NMNAT2: variants seen among roughly 807,000 people sequenced by gnomAD.
The protein encoded by NMNAT2 is nicotinamide/nicotinic acid mononucleotide adenylyltransferase 2.
In NMNAT2, 11 loss-of-function variants were observed where a neutral mutation model predicts 41.6. The ratio of observed to expected loss-of-function variants is 0.26; its 90% confidence interval spans 0.17 to 0.44. NMNAT2 has a LOEUF of 0.44. Among genes scored for constraint, NMNAT2 ranks in the 20% least tolerant of loss-of-function variants. The probability of loss-of-function intolerance (pLI) is 1.00; values close to 1 mark genes in which losing one functional copy is unlikely to be tolerated. For missense variants in NMNAT2, 288 were observed against 407.7 expected (o/e 0.71, Z 2.53); for synonymous variants, 148 against 151.2 (o/e 0.98, Z 0.16).
At chr1:183,404,338 C>T (rs952509652) in intron 1 of NMNAT2, among the ~76,000 whole-genome samples, 3 of 152,166 alleles carry the variant, frequency 2.0e-5, no homozygotes, top group South Asian at 4.1e-4. Flanking sequence ...GATCCACCTG[C>T]GTTGGCCTCC....
chr1:183,292,142 T>G (rs1414428158), intron 3 of NMNAT2, among the ~76,000 whole-genome samples: 1 of 152,258 alleles, frequency 6.6e-6, no homozygotes, highest in Non-Finnish European at 1.5e-5. Flanking sequence ...CATCTTATCA[T>G]GCAAATTATA....
intron 1 of NMNAT2, among the ~76,000 whole-genome samples, chr1:183,296,536 G>A (rs1476697780): frequency 1.5e-5 from 2 of 129,424 alleles, no homozygotes; most frequent in South Asian, 2.6e-4. Context: ...TTTTTTTGAT[G>A]GAGTCTAGCT....
In NMNAT2 at chr1:183,275,347, G is replaced by T. The variant is rs1459300721; in HGVS notation, c.651+3206C>A. Among the ~76,000 whole-genome samples, 3 of 152,166 alleles carry T rather than the reference G, an allele frequency of 2.0e-5. No individual in the cohort carries two copies. The East Asian group carries it at 5.8e-4, about 29-fold the overall frequency. ...AAACAGCTTCTTGAAATTTTTCCCTGTCTCAGACTCAATGATTCTAAGGAC... is the reference window on the plus strand; with the variant it reads ...AAACAGCTTCTTGAAATTTTTCCCTTTCTCAGACTCAATGATTCTAAGGAC... On this transcript the variant is annotated intron_variant, in intron 8 of 10. Transcript: ENST00000287713.
intron 1 of NMNAT2, among the ~76,000 whole-genome samples, chr1:183,321,507 G>A (rs556335742): frequency 2.0e-5 from 3 of 152,246 alleles, no homozygotes; most frequent in African/African-American, 4.8e-5. Flanking sequence ...TTGGGAGGCC[G>A]AGGCAGGTGG....
chr1:183,284,651 T>C (rs371830467), intron 6 of NMNAT2, 59 bp downstream of exon 6: 52 of 1,392,834 alleles, frequency 3.7e-5, no homozygotes, highest in Non-Finnish European at 5.2e-5. Flanking sequence ...GCTGAAGGAA[T>C]GAAGGGAGGA....
chr1:183,319,698 G>A (rs1292264498), intron 1 of NMNAT2, among the ~76,000 whole-genome samples: 1 of 148,136 alleles, frequency 6.8e-6, no homozygotes, highest in Non-Finnish European at 1.5e-5. Context: ...TTATTTTTTG[G>A]TTTCCACTAT....
chr1:183,283,980 C>T lies in NMNAT2; in HGVS notation c.574+15G>A, dbSNP rs1465501618. 7 of 1,613,724 alleles carry T rather than the reference C, an allele frequency of 4.3e-6. No individual in the cohort carries two copies. Among genetic ancestry groups the T allele is most frequent in the South Asian group, 2.2e-5 (2 of 91,068 alleles). On this transcript the variant is annotated intron_variant, in intron 7 of 10. Transcript: ENST00000287713. The stretch of plus-strand genomic sequence containing the variant: ...CAAATGTCCCCATTTTCCGCACTTT[C>T]GCAGTCCCACTCACCAATCTCTTCA...
intron 1 of NMNAT2, among the ~76,000 whole-genome samples, chr1:183,342,473 G>T (rs537863368): frequency 6.6e-6 from 1 of 152,290 alleles, no homozygotes; most frequent in African/African-American, 2.4e-5. Flanking sequence ...CACAAAAGGG[G>T]TAGAGATTAA....
At chr1:183,350,278 C>T (rs553177556) in intron 1 of NMNAT2, among the ~76,000 whole-genome samples, 13 of 152,148 alleles carry the variant, frequency 8.5e-5, no homozygotes, top group Non-Finnish European at 1.9e-4. Context: ...TGCAGGAGAA[C>T]AAGGGAGTCT....
intron 1 of NMNAT2, among the ~76,000 whole-genome samples, chr1:183,403,432 G>A (rs1648870257): frequency 3.5e-5 from 5 of 144,258 alleles, no homozygotes; most frequent in Admixed American, 3.5e-4. Flanking sequence ...GACAAGTGAA[G>A]AGGAACAACC....
In NMNAT2 at chr1:183,369,276, T is replaced by A. The variant is rs1356236112; in HGVS notation, c.85+48907A>T. 4.8e-5 allele frequency among the ~76,000 whole-genome samples: 6 copies of A among 126,170 alleles called. No homozygotes were observed. In the East Asian group the frequency reaches 7.0e-4, roughly 15 times the overall value. 82.8% of individuals were successfully genotyped at this position (126,170 alleles called of 152,430 possible). The stretch of plus-strand genomic sequence containing the variant: ...TTCTTTTCTTTTCTTTTTTTTTTTT[T>A]ATTATTTATTTATTTATTTTTGACG... On this transcript the variant is annotated intron_variant, in intron 1 of 10. Transcript: ENST00000287713.
At chr1:183,369,362 C>T (rs770688329) in intron 1 of NMNAT2, among the ~76,000 whole-genome samples, 2 of 151,364 alleles carry the variant, frequency 1.3e-5, no homozygotes. Context: ...CTGCAGCCTC[C>T]ACCTCCTGGG....
intron 1 of NMNAT2, chr1:183,304,858 G>C: frequency 6.4e-7 from 1 of 1,558,722 alleles, no homozygotes; most frequent in Non-Finnish European, 8.7e-7. Flanking sequence ...ACTACCTCCA[G>C]CTTGGGAGAA....
At chr1:183,357,387 G>T (rs1203418459) in intron 1 of NMNAT2, among the ~76,000 whole-genome samples, 1 of 151,686 alleles carries the variant, frequency 6.6e-6, no homozygotes, top group South Asian at 2.1e-4. Context: ...CTGCCACCAC[G>T]CCCGGCTAAT....
At chr1:183,364,361 T>C (rs549775348) in intron 1 of NMNAT2, among the ~76,000 whole-genome samples, 1 of 152,360 alleles carries the variant, frequency 6.6e-6, no homozygotes, top group East Asian at 1.9e-4. Flanking sequence ...TGGCAGATAC[T>C]GAAGTTTCGT....
intron 1 of NMNAT2, among the ~76,000 whole-genome samples, chr1:183,309,763 A>G (rs1337032607): frequency 6.6e-6 from 1 of 152,212 alleles, no homozygotes; most frequent in Non-Finnish European, 1.5e-5. Context: ...AGACCCCAGG[A>G]ATTACGAAAA....
At chr1:183,278,744 G>A (rs1267336746) in intron 7 of NMNAT2, 115 bp from the exon 8 acceptor site, 2 of 743,448 alleles carry the variant, frequency 2.7e-6, no homozygotes, top group Non-Finnish European at 4.8e-6. Context: ...GGGATGTGGG[G>A]CCCAGTTATC....
intron 2 of NMNAT2, 28 bp from the exon 3 acceptor site, chr1:183,292,885 A>G: frequency 6.2e-7 from 1 of 1,610,156 alleles, no homozygotes; most frequent in Non-Finnish European, 8.5e-7. Flanking sequence ...AATCATTGGG[A>G]GACTCCCTCC....
chr1:183,281,240 G>A (rs907714959), intron 7 of NMNAT2, among the ~76,000 whole-genome samples: 6 of 152,126 alleles, frequency 3.9e-5, no homozygotes, highest in Non-Finnish European at 4.4e-5. Context: ...TCTCAACTGA[G>A]GGCAATTTTG....
Sources: gnomAD v4.1 joint callset for allele counts (sites outside exome capture counted in the v4.1 genomes callset) on GRCh38, gnomAD v4.1.1 for gene constraint, MANE v1.5 for transcripts, NCBI Gene and HGNC (gene_info 2026-07-23, HGNC 2026-07-21) for gene names.